MARCHF11: variants seen among roughly 807,000 people sequenced by gnomAD.
MARCHF11 encodes E3 ubiquitin-protein ligase MARCHF11.
In MARCHF11, 29 loss-of-function variants were observed where a neutral mutation model predicts 37.3. The ratio of observed to expected loss-of-function variants is 0.78; its 90% confidence interval spans 0.58 to 1.06. The LOEUF is 1.06. Among genes scored for constraint, MARCHF11 ranks in the 50% least tolerant of loss-of-function variants. The pLI is 0.00. For synonymous variants in MARCHF11, 233 were observed against 228.0 expected (o/e 1.02, Z -0.20); for missense variants, 482 against 533.4 (o/e 0.90, Z 0.95).
chr5:16,126,015 A>G (rs982354657), intron 2 of MARCHF11, among the ~76,000 whole-genome samples: 3 of 152,190 alleles, frequency 2.0e-5, no homozygotes, highest in South Asian at 4.1e-4. Context: ...ACTAATTCGA[A>G]TAAGTGTTCA....
intron 2 of MARCHF11, among the ~76,000 whole-genome samples, chr5:16,147,421 T>C (rs1012410155): frequency 6.6e-6 from 1 of 152,178 alleles, no homozygotes; most frequent in African/African-American, 2.4e-5. Flanking sequence ...GAGGTTAAAA[T>C]ACTGGCCCAA....
At chr5:16,147,630 G>A (rs78724729) in intron 2 of MARCHF11, among the ~76,000 whole-genome samples, 1,983 of 152,196 alleles carry the variant, frequency 0.013, 46 homozygotes, top group African/African-American at 0.045. Context: ...TTGAATGTGC[G>A]ATAGAAATAT....
chr5:16,081,794 G>A (rs1736614105), intron 3 of MARCHF11, among the ~76,000 whole-genome samples: 1 of 152,180 alleles, frequency 6.6e-6, no homozygotes, highest in Non-Finnish European at 1.5e-5. Context: ...GAATTTTACA[G>A]AGTCAAATAA....
intron 2 of MARCHF11, among the ~76,000 whole-genome samples, chr5:16,158,755 T>C (rs1027154917): frequency 2.0e-5 from 3 of 151,986 alleles, no homozygotes; most frequent in South Asian, 2.1e-4. Context: ...TGCAGGTTTG[T>C]TACATAGGTA....
At chr5:16,078,791 T>C (rs1736560756) in intron 3 of MARCHF11, among the ~76,000 whole-genome samples, 1 of 152,178 alleles carries the variant, frequency 6.6e-6, no homozygotes, top group African/African-American at 2.4e-5. Flanking sequence ...TTCTGCTTTC[T>C]CTTCCAAGGA....
intron 2 of MARCHF11, among the ~76,000 whole-genome samples, chr5:16,157,215 A>AAAG (rs3034890): frequency 6.6e-6 from 1 of 151,352 alleles, no homozygotes; most frequent in South Asian, 2.1e-4. Context: ...GAGTAAATGA[A>AAAG]ATCCCGTGTT....
chr5:16,147,193 C>T (rs909804846), intron 2 of MARCHF11, among the ~76,000 whole-genome samples: 2 of 152,106 alleles, frequency 1.3e-5, no homozygotes, highest in East Asian at 1.9e-4. Flanking sequence ...GTTCCAAGAA[C>T]ACCTTGAGAA....
chr5:16,112,245 G>C (rs961221279), intron 2 of MARCHF11, among the ~76,000 whole-genome samples: 2 of 152,138 alleles, frequency 1.3e-5, no homozygotes, highest in African/African-American at 2.4e-5. Context: ...CTTGCACTGT[G>C]TACCTGAAAA....
intron 3 of MARCHF11, among the ~76,000 whole-genome samples, chr5:16,069,319 T>C (rs150683438): frequency 4.9e-4 from 75 of 152,220 alleles, no homozygotes; most frequent in African/African-American, 1.7e-3. Flanking sequence ...ATAAAAGCAT[T>C]GATGAGAATA....
rs1736780904 is a variant in MARCHF11, at chr5:16,090,924, T to C, written c.851A>G (p.Tyr284Cys). 6 of 1,610,790 alleles carry C rather than the reference T, an allele frequency of 3.7e-6. No individual in the cohort carries two copies. The highest frequency in any genetic ancestry group is 4.2e-6 in the Non-Finnish European group (5 of 1,179,224). Residue 284 changes from tyrosine (Y) to cysteine (C), a missense_variant, in exon 3 of 4, where the codon TAT becomes TGT. Transcript: ENST00000332432. ...QRKDILFQICYGMYGFMDLVC... is the reference protein window; with the variant it reads ...QRKDILFQICCGMYGFMDLVC... ...TAGATCCATAAAACCATACATTCCA[T>C]AGCAGATCTGAAAAAGGATGTCCTT...
chr5:16,078,651 G>A (rs781781240), intron 3 of MARCHF11, among the ~76,000 whole-genome samples: 18 of 152,122 alleles, frequency 1.2e-4, no homozygotes, highest in Non-Finnish European at 2.4e-4. Flanking sequence ...AGAGGGGCAG[G>A]GTTCGTTCTG....
At chr5:16,103,382 T>C (rs1016555147) in intron 2 of MARCHF11, among the ~76,000 whole-genome samples, 7 of 152,122 alleles carry the variant, frequency 4.6e-5, no homozygotes, top group Non-Finnish European at 1.0e-4. Flanking sequence ...GTTTTATTGT[T>C]GCTAGAGAGT....
intron 2 of MARCHF11, among the ~76,000 whole-genome samples, chr5:16,124,706 G>A (rs574393765): frequency 7.1e-6 from 1 of 141,648 alleles, no homozygotes; most frequent in African/African-American, 2.5e-5. Context: ...GGTAAAAGAT[G>A]CTATCTCAAG....
chr5:16,112,126 A>G (rs1737151588), intron 2 of MARCHF11, among the ~76,000 whole-genome samples: 1 of 152,348 alleles, frequency 6.6e-6, no homozygotes, highest in African/African-American at 2.4e-5. Flanking sequence ...CAGAAGGGAA[A>G]TGTGGGGTGT....
intron 2 of MARCHF11, among the ~76,000 whole-genome samples, chr5:16,102,878 C>T (rs1390617500): frequency 6.6e-6 from 1 of 152,222 alleles, no homozygotes; most frequent in Non-Finnish European, 1.5e-5. Context: ...TGCTCCCCCT[C>T]TTGCAAGCGG....
intron 2 of MARCHF11, among the ~76,000 whole-genome samples, chr5:16,107,862 G>A (rs984548656): frequency 3.3e-5 from 5 of 151,866 alleles, no homozygotes; most frequent in African/African-American, 1.2e-4. Context: ...AGAGGAGTTC[G>A]GCCGCTGGAT....
intron 2 of MARCHF11, among the ~76,000 whole-genome samples, chr5:16,153,498 C>T (rs1737921061): frequency 6.6e-6 from 1 of 151,942 alleles, no homozygotes; most frequent in South Asian, 2.1e-4. Context: ...AAGAAAGAAA[C>T]AGCATGTTCA....
chr5:16,132,201 G>A (rs1202940945), intron 2 of MARCHF11, among the ~76,000 whole-genome samples: 3 of 152,208 alleles, frequency 2.0e-5, no homozygotes, highest in African/African-American at 7.2e-5. Context: ...TTCTCCAGGT[G>A]TTTAAATGGC....
In MARCHF11 at chr5:16,125,230, T is replaced by C. The variant is rs568648682; in HGVS notation, c.694-34149A>G. On this transcript the variant is annotated intron_variant, in intron 2 of 3. Transcript: ENST00000332432. ...TAACACATGAGGGTGACACTGCTGA[T>C]AGCTTATTGATGGCCATCTGATGTT... Among the ~76,000 whole-genome samples, 22 of 151,434 alleles carry C rather than the reference T, an allele frequency of 1.5e-4. No individual in the cohort carries two copies. The South Asian group carries it at 4.6e-3, about 32-fold the overall frequency.
Sources: gnomAD v4.1 joint callset for allele counts (sites outside exome capture counted in the v4.1 genomes callset) on GRCh38, gnomAD v4.1.1 for gene constraint, MANE v1.5 for transcripts, NCBI Gene and HGNC (gene_info 2026-07-23, HGNC 2026-07-21) for gene names.